Variants in DLGAP1 observed in about 807,000 individuals in gnomAD.
The protein encoded by DLGAP1 is disks large-associated protein 1.
Under a neutral mutation model 90.8 loss-of-function variants are expected in DLGAP1, and 11 were observed. The ratio of observed to expected loss-of-function variants is 0.12; its 90% CI spans 0.08 to 0.20. The LOEUF (loss-of-function observed/expected upper bound fraction) is 0.20. Among genes scored for constraint, DLGAP1 ranks in the 10% least tolerant of loss-of-function variants. The pLI is 1.00. For missense variants in DLGAP1, 1,050 were observed against 1,333.8 expected, an observed-to-expected ratio of 0.79 and a Z score of 3.31; for synonymous variants, 558 against 540.7, an observed-to-expected ratio of 1.03 and a Z score of -0.44.
At chr18:4,086,352 G>A (rs894856333) in intron 2 of DLGAP1, among the ~76,000 whole-genome samples, 12 of 152,148 alleles carry the variant, frequency 7.9e-5, no homozygotes, top group East Asian at 1.9e-4. Context: ...GCTCTAAACC[G>A]GAAGGTGCTA....
rs552981873 is a variant in DLGAP1 at position 4,252,262 on chromosome 18, C to T, written c.-266-100975G>A. 2.0e-5 allele frequency among the ~76,000 whole-genome samples: 3 copies of T among 152,290 alleles called. No homozygotes were observed. The South Asian group carries it at 6.2e-4, about 32-fold the overall frequency. ...GGAATTTTGGGCTAGTCTCATTTCT[C>T]TTTTGCCTCATTTTTGTAATTCTGA... is the stretch of plus-strand genomic sequence containing the variant. On this transcript the variant is annotated intron_variant, in intron 1 of 12. Transcript: ENST00000315677.
intron 3 of DLGAP1, among the ~76,000 whole-genome samples, chr18:3,914,458 T>C (rs774541675): frequency 1.3e-5 from 2 of 152,236 alleles, no homozygotes; most frequent in Non-Finnish European, 2.9e-5. Flanking sequence ...TCATTGTTGA[T>C]GGACACTTAG....
intron 7 of DLGAP1, among the ~76,000 whole-genome samples, chr18:3,593,411 G>A (rs746508637): frequency 2.6e-5 from 4 of 152,204 alleles, no homozygotes; most frequent in Admixed American, 1.3e-4. Context: ...GCGGTCAGTG[G>A]TGAGAAGGCA....
intron 1 of DLGAP1, among the ~76,000 whole-genome samples, chr18:4,241,000 C>G (rs16946306): frequency 0.04 from 6,037 of 152,270 alleles, 419 homozygotes; most frequent in African/African-American, 0.14. Context: ...CCAGTTTAAT[C>G]GACGTACTGA....
intron 7 of DLGAP1, chr18:3,598,099 C>T (rs2056686870): frequency 6.6e-6 from 1 of 152,184 alleles, no homozygotes; most frequent in Non-Finnish European, 1.5e-5. Context: ...GCCTATAATC[C>T]CAGCACTTTG....
In DLGAP1 at chr18:3,700,776, A is replaced by AT. The variant is rs2061255758; in HGVS notation, c.1591+28358dup. Reference sequence around the variant, plus strand: ...AGGCGCCCACCACCACGCCCGGCTAATTTTTTGTACTTTTGGTAAAGACGG... The same window carrying AT: ...AGGCGCCCACCACCACGCCCGGCTAATTTTTTTGTACTTTTGGTAAAGACGG... On this transcript the variant is annotated intron_variant, in intron 7 of 12. Coordinates refer to ENST00000315677, the MANE Select transcript of DLGAP1 (RefSeq NM_004746.4). Among the ~76,000 whole-genome samples the AT allele has an allele frequency of 2.6e-5, 4 of 151,736 alleles. No homozygotes were observed. In the South Asian group the frequency reaches 8.3e-4, roughly 32 times the overall value.
chr18:3,725,155 A>T, intron 7 of DLGAP1, among the ~76,000 whole-genome samples: 1 of 152,098 alleles, frequency 6.6e-6, no homozygotes, highest in East Asian at 1.9e-4. Context: ...TTTTCTGTAC[A>T]TTTACGAGTG....
rs539429924 is a variant in DLGAP1 at position 3,969,611 on chromosome 18, C to A, written c.-73+35505G>T. Among the ~76,000 whole-genome samples the A allele has an allele frequency of 1.3e-4, 20 of 152,252 alleles. No homozygotes were observed. The South Asian group carries it at 3.9e-3, about 30-fold the overall frequency. ...AGAAAAACTGTGGCCCAAGTTATAG[C>A]AGTTTCACGATTTCGGTCTATTCTT... is the stretch of plus-strand genomic sequence containing the variant. On this transcript the variant is annotated intron_variant, in intron 3 of 12. Coordinates refer to ENST00000315677, the MANE Select transcript of DLGAP1 (RefSeq NM_004746.4).
intron 2 of DLGAP1, chr18:4,013,959 A>T (rs1285275726): frequency 6.6e-6 from 1 of 152,172 alleles, no homozygotes; most frequent in Non-Finnish European, 1.5e-5. Flanking sequence ...TTATTCCTAA[A>T]CTAATAAGAT....
intron 1 of DLGAP1, among the ~76,000 whole-genome samples, chr18:4,299,104 A>AAC (rs1555779072): frequency 3.6e-4 from 48 of 131,748 alleles, no homozygotes; most frequent in South Asian, 7.5e-4. Context: ...AAAAAAAAAA[A>AAC]AAAAAATAGA....
intron 1 of DLGAP1, among the ~76,000 whole-genome samples, chr18:4,241,032 ATC>A (rs1466428069): frequency 6.6e-6 from 1 of 152,206 alleles, no homozygotes; most frequent in Non-Finnish European, 1.5e-5. Flanking sequence ...GAAAAATGTT[ATC>A]TTTTTCATTT....
intron 4 of DLGAP1, among the ~76,000 whole-genome samples, chr18:3,825,180 G>C (rs779510390): frequency 6.6e-6 from 1 of 152,202 alleles, no homozygotes; most frequent in Non-Finnish European, 1.5e-5. Flanking sequence ...GTTCCAACTG[G>C]AGTATTCATT....
intron 2 of DLGAP1, among the ~76,000 whole-genome samples, chr18:4,051,032 T>G (rs977331838): frequency 1.3e-5 from 2 of 152,238 alleles, no homozygotes; most frequent in Non-Finnish European, 1.5e-5. Flanking sequence ...TTCTTCTTCC[T>G]TTTTCTTTAT....
intron 5 of DLGAP1, among the ~76,000 whole-genome samples, chr18:3,763,747 T>C (rs951521728): frequency 2.4e-4 from 36 of 151,698 alleles, no homozygotes; most frequent in African/African-American, 7.5e-4. Flanking sequence ...CACTGCAACC[T>C]CCATCTCCCA....
At chr18:3,802,268 C>A (rs2066342864) in intron 5 of DLGAP1, among the ~76,000 whole-genome samples, 1 of 147,574 alleles carries the variant, frequency 6.8e-6, no homozygotes, top group South Asian at 2.2e-4. Context: ...CAGGCATGAG[C>A]CACCGACCCC....
intron 2 of DLGAP1, among the ~76,000 whole-genome samples, chr18:4,032,671 C>G (rs10502316): frequency 0.13 from 19,899 of 149,832 alleles, 1,627 homozygotes; most frequent in South Asian, 0.3. Flanking sequence ...CGTTTGGACA[C>G]AAGTCACTTG....
At chr18:3,502,382 T>A (rs765551217) in intron 12 of DLGAP1, 111 bp downstream of exon 12, 1 of 1,505,828 alleles carries the variant, frequency 6.6e-7, no homozygotes, top group Non-Finnish European at 8.8e-7. Flanking sequence ...TAATATGATA[T>A]CAGCTCCATT....
chr18:4,212,880 GGTATTATTA>G (rs1172398434), intron 1 of DLGAP1, among the ~76,000 whole-genome samples: 1 of 151,858 alleles, frequency 6.6e-6, no homozygotes, highest in Non-Finnish European at 1.5e-5. Flanking sequence ...CTGATAAATT[GGTATTATTA>G]TATGAACAAT....
chr18:3,768,397 A>G (rs1204831582), intron 5 of DLGAP1, among the ~76,000 whole-genome samples: 2 of 152,304 alleles, frequency 1.3e-5, no homozygotes, highest in African/African-American at 4.8e-5. Context: ...TGCAGGTTTA[A>G]TGCAACTCTT....
Sources: allele counts gnomAD v4.1 joint callset (sites outside exome capture counted in the v4.1 genomes callset), GRCh38; gene constraint gnomAD v4.1.1; transcripts MANE v1.5; gene names NCBI Gene and HGNC (gene_info 2026-07-23, HGNC 2026-07-21).